The following TRAK1 variants were observed in gnomAD, a reference collection of about 807,000 sequenced individuals.
TRAK1 encodes trafficking kinesin protein 1.
A neutral mutation model predicts 92.1 loss-of-function variants in TRAK1; 33 were observed. The ratio of observed to expected loss-of-function variants is 0.36; its 90% confidence interval spans 0.27 to 0.48. TRAK1 has a LOEUF of 0.48. Ranked by LOEUF, TRAK1 falls within the 20% of genes least tolerant of loss-of-function variation. The pLI is 0.99. For missense variants in TRAK1, 1,123 were observed against 1,257.9 expected (o/e 0.89, Z 1.62); for synonymous variants, 521 against 517.3 (o/e 1.01, Z -0.10).
At chr3:42,214,138 C>A (rs1213097960) in intron 14 of TRAK1, among the ~76,000 whole-genome samples, 1 of 152,182 alleles carries the variant, frequency 6.6e-6, no homozygotes, top group African/African-American at 2.4e-5. Flanking sequence ...GGTATCCTCA[C>A]CTCTGAACAC....
chr3:42,055,474 T>C (rs2148918979), intron 1 of TRAK1, among the ~76,000 whole-genome samples: 1 of 152,326 alleles, frequency 6.6e-6, no homozygotes, highest in Middle Eastern at 3.4e-3. Context: ...CAAATCTTAT[T>C]TGTTGAGACA....
At chr3:42,052,481 T>C (rs1311433448) in intron 1 of TRAK1, among the ~76,000 whole-genome samples, 1 of 152,250 alleles carries the variant, frequency 6.6e-6, no homozygotes, top group Non-Finnish European at 1.5e-5. Context: ...AGTAGTCTTA[T>C]CTGAGGCTTC....
At chr3:42,173,916 C>T (rs1482981358) in intron 2 of TRAK1, among the ~76,000 whole-genome samples, 1 of 152,192 alleles carries the variant, frequency 6.6e-6, no homozygotes, top group East Asian at 1.9e-4. Flanking sequence ...CATTTGCCAC[C>T]TGCTAGCTGT....
intron 2 of TRAK1, among the ~76,000 whole-genome samples, chr3:42,135,537 G>T (rs908756888): frequency 2.0e-5 from 3 of 152,068 alleles, no homozygotes; most frequent in Non-Finnish European, 2.9e-5. Flanking sequence ...GACCATCCTT[G>T]GCCACCAAAC....
intron 1 of TRAK1, among the ~76,000 whole-genome samples, chr3:42,047,674 AAAATAATG>A (rs1200759586): frequency 6.6e-6 from 1 of 152,198 alleles, no homozygotes; most frequent in Admixed American, 6.5e-5. Flanking sequence ...ACTTTAATGT[AAAATAATG>A]ACTATTTTTG....
intron 7 of TRAK1, 25 bp from the exon 8 acceptor site, chr3:42,193,050 C>A: frequency 6.2e-7 from 1 of 1,612,548 alleles, no homozygotes; most frequent in South Asian, 1.1e-5. Flanking sequence ...GACTTCCTCT[C>A]CTGATTGTTG....
At position 42,202,549 on chromosome 3, in the gene TRAK1, G is replaced by A; in HGVS notation, c.1541G>A (p.Arg514Lys). The A allele has an allele frequency of 6.3e-7, 1 of 1,575,176 alleles. No homozygotes were observed. Among genetic ancestry groups the A allele is most frequent in the Non-Finnish European group, 8.7e-7 (1 of 1,153,792 alleles). Residue 514 changes from arginine to lysine, a missense_variant, in exon 13 of 16, where the codon AGG becomes AAG. Physicochemically the swap from Arg to Lys is conservative, Grantham distance 26. Around this residue, in one of 3 missense-constraint regions of TRAK1, gnomAD observed 686 missense variants for 747.6 expected, o/e 0.92. Transcript: ENST00000327628. This position sits in a 1 kb window ranked among gnomAD's most constrained non-coding sequence, Gnocchi z 6.1. The stretch of plus-strand genomic sequence containing the variant: ...CGGGAGAACTACCTCTCGGAGAGGA[G>A]GTTCTTTGAGGAGGAGCAAGAGAGG... ...LRRENYLSER[R>K]FFEEEQERKL...
intron 13 of TRAK1, among the ~76,000 whole-genome samples, chr3:42,207,739 C>T (rs529785428): frequency 1.3e-5 from 2 of 152,300 alleles, no homozygotes; most frequent in Admixed American, 1.3e-4. Flanking sequence ...GTCTGCGAAG[C>T]CCCGGCGTTG....
chr3:42,198,184 G>A (rs1454819322), intron 10 of TRAK1, among the ~76,000 whole-genome samples: 1 of 152,166 alleles, frequency 6.6e-6, no homozygotes, highest in Admixed American at 6.5e-5. Flanking sequence ...ATGTGTAAAG[G>A]ATTGTGTGTT....
At chr3:42,110,094 G>GTGTATATATATATATATATATATATATA (rs1417746436) in intron 1 of TRAK1, among the ~76,000 whole-genome samples, 1 of 83,238 alleles carries the variant, frequency 1.2e-5, no homozygotes, top group Non-Finnish European at 2.3e-5. Context: ...AGAACTTAAA[G>GTGTATATATATATATATATATATATATA]TATATATATA....
chr3:42,163,341 C>T (rs1006098955), intron 2 of TRAK1, among the ~76,000 whole-genome samples: 2 of 151,996 alleles, frequency 1.3e-5, no homozygotes, highest in Admixed American at 6.6e-5. Flanking sequence ...GAGGCTGAGG[C>T]GGGTGGATCA....
intron 1 of TRAK1, among the ~76,000 whole-genome samples, chr3:42,067,737 G>A (rs115880108): frequency 0.025 from 3,732 of 152,150 alleles, 92 homozygotes; most frequent in Non-Finnish European, 0.032. Context: ...GCGACAGTTG[G>A]TTCAGTGAAT....
chr3:42,060,726 C>T (rs1703399910), intron 1 of TRAK1, among the ~76,000 whole-genome samples: 3 of 148,480 alleles, frequency 2.0e-5, no homozygotes, highest in East Asian at 2.0e-4. Flanking sequence ...CTTCCTGGTT[C>T]AAGTCATTCT....
chr3:42,077,306 C>T (rs188136322), intron 1 of TRAK1, among the ~76,000 whole-genome samples: 23 of 152,154 alleles, frequency 1.5e-4, no homozygotes, highest in African/African-American at 3.6e-4. Context: ...CTTTTTACCT[C>T]GAGGCAGAGT....
chr3:42,146,608 G>A (rs186112654), intron 2 of TRAK1, among the ~76,000 whole-genome samples: 3 of 152,288 alleles, frequency 2.0e-5, no homozygotes, highest in East Asian at 3.9e-4. Context: ...AGGCTGCAGT[G>A]CAGTGGCATG....
chr3:42,130,250 A>G (rs1576511155), intron 2 of TRAK1, among the ~76,000 whole-genome samples: 2 of 150,904 alleles, frequency 1.3e-5, no homozygotes, highest in South Asian at 2.1e-4. Context: ...TGGCTATGCA[A>G]CTCTTTTTGG....
intron 1 of TRAK1, among the ~76,000 whole-genome samples, chr3:42,106,257 G>A (rs2149044390): frequency 6.6e-6 from 1 of 152,296 alleles, no homozygotes; most frequent in Non-Finnish European, 1.5e-5. Flanking sequence ...CCATCAGTGT[G>A]CTGTATTCAG....
chr3:42,062,507 A>G (rs1478700749), intron 1 of TRAK1, among the ~76,000 whole-genome samples: 1 of 152,202 alleles, frequency 6.6e-6, no homozygotes, highest in Non-Finnish European at 1.5e-5. Context: ...CAGCATGACT[A>G]TACTGCTACC....
chr3:42,056,640 A>G lies in TRAK1; in HGVS notation c.-518-30464A>G, dbSNP rs531475067. Among the ~76,000 whole-genome samples, 330 of 152,298 alleles carry G rather than the reference A, an allele frequency of 2.2e-3. 3 individuals are homozygous for G. The highest frequency in any genetic ancestry group is 7.7e-3 in the African/African-American group (321 of 41,566). On this transcript the variant is annotated intron_variant, in intron 1 of 16. Coordinates refer to the TRAK1 transcript ENST00000487159. The stretch of plus-strand genomic sequence containing the variant: ...ATTATTAGAAATTTTGAAATTAAAA[A>G]CATTCTTTTGTTTACCCAGAAATCT...
Sources: gnomAD v4.1 joint callset for allele counts (sites outside exome capture counted in the v4.1 genomes callset) on GRCh38, gnomAD v4.1.1 for gene constraint, gnomAD v4.1.1 regional missense constraint, Gnocchi (gnomAD v3.1) non-coding constraint, MANE v1.5 for transcripts, NCBI Gene and HGNC (gene_info 2026-07-23, HGNC 2026-07-21) for gene names.